Variants in ADGRV1 observed in about 807,000 individuals in gnomAD.
The protein encoded by ADGRV1 is G-protein coupled receptor 98.
In ADGRV1, 359 loss-of-function variants were observed where a neutral mutation model predicts 596.2. The ratio of observed to expected loss-of-function variants is 0.60; its 90% CI spans 0.55 to 0.66. The LOEUF is 0.66. ADGRV1 is among the 30% of genes least tolerant of loss of function. The pLI is 0.00. For synonymous variants in ADGRV1, 2,681 were observed against 2,679.2 expected (o/e 1.00, Z -0.02); for missense variants, 7,274 against 7,575.6 (o/e 0.96, Z 1.48).
At chr5:90,576,684 G>A (rs779073379) in intron 1 of ADGRV1, among the ~76,000 whole-genome samples, 43 of 152,138 alleles carry the variant, frequency 2.8e-4, no homozygotes, top group Non-Finnish European at 2.4e-4. Flanking sequence ...TTGAGGAATC[G>A]CCACATTGTC....
In ADGRV1 at chr5:91,153,398, G is replaced by A; in HGVS notation, c.18802G>A (p.Gly6268Ser). Reference sequence around the variant, plus strand: ...TGATTTAATATTTGCATTAAAAACTGGTATGTATGAACCCATGAACGACAT... The same window carrying A: ...TGATTTAATATTTGCATTAAAAACTAGTATGTATGAACCCATGAACGACAT... ...FDDLIFALKT[G>S]AGLSVSDNES... The change falls in exon 89 of 90, where the codon GGT (glycine) becomes AGT (serine). Residue 6268 changes from glycine (G) to serine (S), a missense_variant and splice_region_variant. By Grantham distance (56) the Gly-to-Ser change is moderately conservative. This residue lies in a region of ADGRV1 where 1,874 missense variants were observed against 1,970.2 expected (regional missense o/e 0.95). Coordinates refer to ENST00000405460, the MANE Select transcript of ADGRV1 (RefSeq NM_032119.4). 3.1e-6 allele frequency: 5 copies of A among 1,596,334 alleles called. No individual in the cohort carries two copies. Among genetic ancestry groups the A allele is most frequent in the Non-Finnish European group, 4.3e-6 (5 of 1,170,308 alleles).
intron 4 of ADGRV1, among the ~76,000 whole-genome samples, chr5:90,620,300 G>A (rs1312116507): frequency 5.9e-5 from 9 of 152,176 alleles, no homozygotes; most frequent in African/African-American, 2.2e-4. Context: ...ATTCTAACTG[G>A]TGTGAGATGG....
chr5:90,743,462 A>G (rs765879778), intron 50 of ADGRV1, among the ~76,000 whole-genome samples: 160 of 139,556 alleles, frequency 1.1e-3, no homozygotes, highest in Admixed American at 1.6e-3. Context: ...AACCAATCTC[A>G]TTTGATATCT....
rs543585120 is a variant in ADGRV1 at position 90,875,319 on chromosome 5, T to C, written c.17856+11462T>C. On this transcript the variant is annotated intron_variant, in intron 83 of 89. Transcript: ENST00000405460. ...AATTTAGATGTGTTCAATGCAGAAT[T>C]AATTTTCCCAGAAAAGAAATGCTTA... is the stretch of plus-strand genomic sequence containing the variant. 5.3e-5 allele frequency among the ~76,000 whole-genome samples: 8 copies of C among 152,364 alleles called. No homozygotes were observed. In the South Asian group the frequency reaches 8.3e-4, roughly 16 times the overall value.
chr5:91,139,063 G>C (rs1000107509), intron 87 of ADGRV1, among the ~76,000 whole-genome samples: 2 of 152,108 alleles, frequency 1.3e-5, no homozygotes, highest in African/African-American at 4.8e-5. Context: ...GAGCCACCGC[G>C]CCCACTGTAT....
At chr5:91,116,830 G>A (rs1416702540) in intron 87 of ADGRV1, among the ~76,000 whole-genome samples, 1 of 152,084 alleles carries the variant, frequency 6.6e-6, no homozygotes, top group Non-Finnish European at 1.5e-5. Flanking sequence ...TGCAAAAAGG[G>A]GGCCACTACC....
At chr5:91,127,878 C>T (rs1687091138) in intron 87 of ADGRV1, among the ~76,000 whole-genome samples, 1 of 152,196 alleles carries the variant, frequency 6.6e-6, no homozygotes, top group African/African-American at 2.4e-5. Flanking sequence ...TAAAGTCACT[C>T]TGCTTCTTGA....
Position 90,808,626 on chromosome 5 carries a change from G to A in ADGRV1, c.14972+889G>A, listed in dbSNP as rs540884549. On this transcript the variant is annotated intron_variant, in intron 73 of 89. Transcript: ENST00000405460. The stretch of plus-strand genomic sequence containing the variant: ...ATTATAGTGCTTGGCCAGGCGTGGC[G>A]GCTCACGCCTGTAATCCCAACACTT... Among the ~76,000 whole-genome samples the A allele has an allele frequency of 2.8e-4, 42 of 152,178 alleles. No homozygotes were observed. In the East Asian group the frequency reaches 7.0e-3, roughly 25 times the overall value.
At chr5:91,160,455 C>G (rs1414747188) in intron 89 of ADGRV1, among the ~76,000 whole-genome samples, 1 of 152,206 alleles carries the variant, frequency 6.6e-6, no homozygotes, top group Non-Finnish European at 1.5e-5. Flanking sequence ...CATCCTCACT[C>G]AGTCCGTGCA....
intron 1 of ADGRV1, among the ~76,000 whole-genome samples, chr5:90,566,977 A>G (rs778706041): frequency 1.3e-5 from 2 of 152,086 alleles, no homozygotes; most frequent in Non-Finnish European, 2.9e-5. Context: ...AGATTGGAGA[A>G]TTATCCCTTT....
rs1361225605 is a variant in ADGRV1, at chr5:90,900,318, C to T, written c.17856+36461C>T. Among the ~76,000 whole-genome samples the T allele has an allele frequency of 2.0e-5, 3 of 150,624 alleles. No homozygotes were observed. The Admixed American group carries it at 2.0e-4, about 10-fold the overall frequency. ...GTATGCCCAAACTTCTGCTTATAGA[C>T]CATTGCCATTCTTTTTTTTTTTTTT... On this transcript the variant is annotated intron_variant, in intron 83 of 89. Coordinates refer to ENST00000405460, the MANE Select transcript of ADGRV1 (RefSeq NM_032119.4).
In ADGRV1 at chr5:90,886,975, C is replaced by A. The variant is rs538510882; in HGVS notation, c.17856+23118C>A. 3.9e-5 allele frequency among the ~76,000 whole-genome samples: 6 copies of A among 152,314 alleles called. No homozygotes were observed. The East Asian group carries it at 1.2e-3, about 29-fold the overall frequency. ...TGTGACAACTGAAATAGTCTTTTAACTGATCTGCCTGCTTCACCTCTTCTC... is the reference window on the plus strand; with the variant it reads ...TGTGACAACTGAAATAGTCTTTTAAATGATCTGCCTGCTTCACCTCTTCTC... On this transcript the variant is annotated intron_variant, in intron 83 of 89. Transcript: ENST00000405460.
chr5:91,076,572 G>T (rs1788871540), intron 86 of ADGRV1, among the ~76,000 whole-genome samples: 1 of 152,060 alleles, frequency 6.6e-6, no homozygotes, highest in Admixed American at 6.6e-5. Flanking sequence ...CCAAGCTAAA[G>T]ATAGCATTAA....
At chr5:90,856,361 G>T (rs1767023875) in intron 82 of ADGRV1, among the ~76,000 whole-genome samples, 1 of 152,174 alleles carries the variant, frequency 6.6e-6, no homozygotes, top group Non-Finnish European at 1.5e-5. Flanking sequence ...CTTAAGAGTT[G>T]TGAATATGCC....
intron 84 of ADGRV1, among the ~76,000 whole-genome samples, chr5:90,974,474 A>G (rs1376670479): frequency 6.6e-6 from 1 of 152,172 alleles, no homozygotes; most frequent in Non-Finnish European, 1.5e-5. Context: ...ATTAACCAAA[A>G]CAGCATGGTA....
At chr5:90,796,226 T>C (rs1760693992) in intron 70 of ADGRV1, among the ~76,000 whole-genome samples, 1 of 152,006 alleles carries the variant, frequency 6.6e-6, no homozygotes, top group African/African-American at 2.4e-5. Context: ...GCTAGGAACC[T>C]TGAAAAAAGG....
rs749684665 is a variant in ADGRV1, at chr5:91,163,841, T to G, written c.18862T>G (p.Leu6288Val). The G allele has an allele frequency of 6.2e-7, 1 of 1,607,858 alleles. No homozygotes were observed. Among genetic ancestry groups the G allele is most frequent in the Non-Finnish European group, 8.5e-7 (1 of 1,176,072 alleles). Reference protein sequence around the residue: ...SGQGSQEGGTLTDSQIVELRR... With the variant: ...SGQGSQEGGTVTDSQIVELRR... ...TCAAGGCAGCCAGGAGGGGGGCACC[T>G]TGACTGACTCCCAGATCGTGGAGCT... Residue 6288 changes from leucine (L) to valine (V), a missense_variant, in exon 90 of 90, where the codon TTG becomes GTG. Coordinates refer to ENST00000405460, the MANE Select transcript of ADGRV1 (RefSeq NM_032119.4).
chr5:90,575,854 G>A (rs976102292), intron 1 of ADGRV1, among the ~76,000 whole-genome samples: 1 of 152,094 alleles, frequency 6.6e-6, no homozygotes, highest in Non-Finnish European at 1.5e-5. Context: ...CTCCAGGGTC[G>A]CAGTGCTGCC....
At chr5:91,016,348 C>T (rs919158439) in intron 85 of ADGRV1, among the ~76,000 whole-genome samples, 1 of 151,868 alleles carries the variant, frequency 6.6e-6, no homozygotes, top group African/African-American at 2.4e-5. Flanking sequence ...CACTCTAGCC[C>T]CCATCCTAGT....
Sources: allele counts gnomAD v4.1 joint callset (sites outside exome capture counted in the v4.1 genomes callset), GRCh38; gene constraint gnomAD v4.1.1; regional missense constraint gnomAD v4.1.1; transcripts MANE v1.5; gene names NCBI Gene and HGNC (gene_info 2026-07-23, HGNC 2026-07-21).